ZFHX3: variants seen among roughly 807,000 people sequenced by gnomAD.
ZFHX3 encodes the protein zinc finger homeobox 3, also known as zinc finger homeobox protein 3.
Under a neutral mutation model 279.1 loss-of-function variants are expected in ZFHX3, and 42 were observed. That is an observed-to-expected ratio of 0.15 (90% confidence interval 0.12 to 0.19). The LOEUF (loss-of-function observed/expected upper bound fraction) is 0.19, where lower values mean the gene tolerates loss of function less well. Among genes scored for constraint, ZFHX3 ranks in the 10% least tolerant of loss-of-function variants. ZFHX3 has a pLI of 1.00. For missense variants in ZFHX3, 4,981 were observed against 4,754.0 expected (o/e 1.05, Z -1.40); for synonymous variants, 2,293 against 1,957.8 (o/e 1.17, Z -4.52).
chr16:73,490,362 G>T (rs825845), intron 2 of ZFHX3, among the ~76,000 whole-genome samples: 47,578 of 152,062 alleles, frequency 0.31, 8,635 homozygotes, highest in East Asian at 0.79. Flanking sequence ...CATTGAAAAC[G>T]TTTTAATGGC....
chr16:73,050,697 AACCCATGGCCT>A (rs200147324), upstream of ZFHX3, among the ~76,000 whole-genome samples: 3,783 of 152,244 alleles, frequency 0.025, 59 homozygotes, highest in Non-Finnish European at 0.038. Context: ...CCTGATGTTA[AACCCATGGCCT>A]ACCCAGCAGT....
intron 1 of ZFHX3, among the ~76,000 whole-genome samples, chr16:73,784,478 G>C (rs1032869657): frequency 6.6e-6 from 1 of 152,114 alleles, no homozygotes. Flanking sequence ...GCTGGGCGCA[G>C]TGGCTCACGT....
chr16:73,002,802 G>A (rs1963549826), intron 1 of ZFHX3, among the ~76,000 whole-genome samples: 1 of 152,114 alleles, frequency 6.6e-6, no homozygotes. Context: ...CACAGCCACA[G>A]GCCAGTGCTA....
At chr16:73,792,822 A>T (rs557632477) in intron 1 of ZFHX3, among the ~76,000 whole-genome samples, 1 of 151,406 alleles carries the variant, frequency 6.6e-6, no homozygotes. Context: ...GTAATGAAAT[A>T]TGACATGTAG....
intron 1 of ZFHX3, among the ~76,000 whole-genome samples, chr16:73,854,163 C>CTTATAAACTTG (rs1961659215): frequency 6.6e-6 from 1 of 152,190 alleles, no homozygotes; most frequent in Non-Finnish European, 1.5e-5. Context: ...GGCAAACCTA[C>CTTATAAACTTG]TTATAAACTT....
chr16:73,507,738 C>G (rs1167876456), intron 2 of ZFHX3, among the ~76,000 whole-genome samples: 1 of 151,622 alleles, frequency 6.6e-6, no homozygotes, highest in African/African-American at 2.4e-5. Context: ...TGGCTTCAAG[C>G]AATCCTCCCA....
chr16:73,704,740 C>T (rs994514390), intron 1 of ZFHX3, among the ~76,000 whole-genome samples: 6 of 152,100 alleles, frequency 3.9e-5, no homozygotes, highest in South Asian at 2.1e-4. Context: ...CCAGAGGAGC[C>T]GGGGTATAGC....
chr16:73,823,660 T>C (rs967213422), intron 1 of ZFHX3, among the ~76,000 whole-genome samples: 1 of 152,154 alleles, frequency 6.6e-6, no homozygotes, highest in Non-Finnish European at 1.5e-5. Context: ...GGCGCTACAA[T>C]GGCAGAATGG....
rs544454608 is a variant in ZFHX3, at chr16:73,197,968, T to C, written c.-1103-54137A>G. ...TTTTTTTTTTTTTGAGATGGAGTAT[T>C]GCTCTGTCGCCAAGGCTGGAGTGCA... On this transcript the variant is annotated intron_variant, in intron 5 of 17. Transcript: ENST00000641206. 2.2e-5 allele frequency among the ~76,000 whole-genome samples: 3 copies of C among 137,426 alleles called. No individual in the cohort carries two copies. The East Asian group carries it at 6.6e-4, about 30-fold the overall frequency. 90.2% of individuals were successfully genotyped at this position (137,426 alleles called of 152,430 possible). A position where few individuals can be genotyped will look rare whatever the true frequency, so the allele number is the denominator to read the frequency against.
chr16:73,454,662 T>C (rs566206486), intron 3 of ZFHX3, among the ~76,000 whole-genome samples: 32 of 151,844 alleles, frequency 2.1e-4, no homozygotes, highest in Non-Finnish European at 3.8e-4. Context: ...TCACAATTAC[T>C]GCTTCCTTTT....
chr16:72,908,931 A>G (rs940664236), intron 3 of ZFHX3, among the ~76,000 whole-genome samples: 1 of 152,254 alleles, frequency 6.6e-6, no homozygotes, highest in African/African-American at 2.4e-5. Context: ...GGCTGAGCAC[A>G]TCCACTAATG....
intron 2 of ZFHX3, among the ~76,000 whole-genome samples, chr16:73,659,497 T>A (rs913670675): frequency 6.6e-6 from 1 of 152,010 alleles, no homozygotes; most frequent in Admixed American, 6.6e-5. Context: ...TTCCTAAATG[T>A]TACCCTCAGA....
At chr16:73,876,205 G>T (rs962169182) in intron 1 of ZFHX3, among the ~76,000 whole-genome samples, 9 of 152,118 alleles carry the variant, frequency 5.9e-5, no homozygotes, top group Admixed American at 1.3e-4. Flanking sequence ...ATCAAATCAG[G>T]TTTATGTTTC....
intron 1 of ZFHX3, among the ~76,000 whole-genome samples, chr16:72,987,558 C>G (rs989646677): frequency 2.0e-5 from 3 of 152,200 alleles, no homozygotes; most frequent in African/African-American, 7.2e-5. Context: ...CCTGTGTACA[C>G]ATGTATGCTT....
chr16:73,229,705 G>A (rs2012712926), intron 5 of ZFHX3, among the ~76,000 whole-genome samples: 2 of 152,130 alleles, frequency 1.3e-5, no homozygotes, highest in Admixed American at 1.3e-4. Context: ...AGAAATAAAG[G>A]ATAAAATAGT....
intron 3 of ZFHX3, among the ~76,000 whole-genome samples, chr16:73,404,707 A>G (rs1567473605): frequency 6.6e-6 from 1 of 152,212 alleles, no homozygotes; most frequent in Non-Finnish European, 1.5e-5. Flanking sequence ...CGTTTTACGC[A>G]TAAGGACACC....
chr16:73,680,967 G>A (rs971497253), intron 1 of ZFHX3, among the ~76,000 whole-genome samples: 12 of 152,176 alleles, frequency 7.9e-5, no homozygotes, highest in African/African-American at 2.7e-4. Flanking sequence ...GAATGCCAAG[G>A]AAGAAATTAA....
At chr16:73,118,396 A>G (rs1177722248) in intron 7 of ZFHX3, among the ~76,000 whole-genome samples, 1 of 151,836 alleles carries the variant, frequency 6.6e-6, no homozygotes, top group Non-Finnish European at 1.5e-5. Flanking sequence ...TTTAGTAGAG[A>G]TGGGGTTTCA....
intron 5 of ZFHX3, among the ~76,000 whole-genome samples, chr16:73,192,198 C>T (rs1968054436): frequency 6.6e-6 from 1 of 152,130 alleles, no homozygotes; most frequent in Non-Finnish European, 1.5e-5. Context: ...CCACTGATCT[C>T]CTCCCCAAAC....
Sources: gnomAD v4.1 joint callset for allele counts (sites outside exome capture counted in the v4.1 genomes callset) on GRCh38, gnomAD v4.1.1 for gene constraint, MANE v1.5 for transcripts, NCBI Gene and HGNC (gene_info 2026-07-23, HGNC 2026-07-21) for gene names.